The following IRS2 variants were observed in gnomAD, a reference collection of about 807,000 sequenced individuals.
IRS2 encodes insulin receptor substrate 2.
A neutral mutation model predicts 70.9 loss-of-function variants in IRS2; 28 were observed. That is an observed-to-expected ratio of 0.39 (90% CI 0.29 to 0.54). The LOEUF (loss-of-function observed/expected upper bound fraction) is 0.54. Ranked by LOEUF, IRS2 falls within the 20% of genes least tolerant of loss-of-function variation. The pLI, the probability that IRS2 is intolerant of heterozygous loss-of-function variation, is 0.59. For missense variants in IRS2, 2,081 were observed against 2,024.1 expected (o/e 1.03, Z -0.54); for synonymous variants, 1,217 against 981.9 (o/e 1.24, Z -4.48).
intron 1 of IRS2, among the ~76,000 whole-genome samples, chr13:109,763,416 A>C (rs889332862): frequency 1.3e-5 from 2 of 152,104 alleles, no homozygotes; most frequent in African/African-American, 4.8e-5. Flanking sequence ...AATTTCTCTT[A>C]GCTACCGCTA....
At chr13:109,758,549 G>GT (rs34195893) in intron 1 of IRS2, among the ~76,000 whole-genome samples, 2 of 151,802 alleles carry the variant, frequency 1.3e-5, no homozygotes, top group African/African-American at 4.9e-5. Flanking sequence ...CATTTTCATT[G>GT]TTTTTTTTAG....
chr13:109,773,516 C>T (rs928957198), intron 1 of IRS2, among the ~76,000 whole-genome samples: 2 of 152,174 alleles, frequency 1.3e-5, no homozygotes, highest in African/African-American at 2.4e-5. Flanking sequence ...TACACAGAGC[C>T]GCCTTCAATT....
At chr13:109,762,429 G>T (rs1877246718) in intron 1 of IRS2, among the ~76,000 whole-genome samples, 1 of 152,310 alleles carries the variant, frequency 6.6e-6, no homozygotes, top group African/African-American at 2.4e-5. Flanking sequence ...TGGAAGAACA[G>T]GGTCCTCAAC....
At chr13:109,763,659 A>G (rs1353882268) in intron 1 of IRS2, among the ~76,000 whole-genome samples, 1 of 152,270 alleles carries the variant, frequency 6.6e-6, no homozygotes, top group Non-Finnish European at 1.5e-5. Context: ...GTGCATTAAA[A>G]TCGCAAATAG....
intron 1 of IRS2, among the ~76,000 whole-genome samples, chr13:109,764,831 TG>T (rs748854511): frequency 4.6e-5 from 7 of 152,216 alleles, no homozygotes; most frequent in Non-Finnish European, 7.4e-5. Context: ...ACAAAAACAA[TG>T]GCAAATTGCT....
Position 109,784,355 on chromosome 13 carries a change from G to A in IRS2, c.1699C>T (p.Leu567=). The A allele has an allele frequency of 3.7e-6, 6 of 1,609,478 alleles. No homozygotes were observed. Among genetic ancestry groups the A allele is most frequent in the Non-Finnish European group, 5.1e-6 (6 of 1,179,418 alleles). Reference sequence around the variant, plus strand: ...GTCCTCTTGCGCAGCCCTCGGTCCAGGTCCTGGGCCGCGTCCCCCGAGACC... The same window carrying A: ...GTCCTCTTGCGCAGCCCTCGGTCCAAGTCCTGGGCCGCGTCCCCCGAGACC... The part of the protein sequence containing the change: ...RRVSGDAAQD[L]DRGLRKRTYS... The change falls in exon 1 of 2, where the codon CTG becomes TTG. Residue 567 remains leucine (L), a synonymous_variant. Transcript: ENST00000375856. This position sits in a 1 kb window ranked among gnomAD's most constrained non-coding sequence, Gnocchi z 5.2.
rs1877807365 is a variant in IRS2 at position 109,783,737 on chromosome 13, C to T, written c.2317G>A (p.Asp773Asn). The T allele has an allele frequency of 6.3e-7, 1 of 1,584,458 alleles. No homozygotes were observed. The highest frequency in any genetic ancestry group is 8.6e-7 in the Non-Finnish European group (1 of 1,165,468). ...NGDYLNVSPS[D>N]AVTTGTPPDF... ...GGCGGGGTGCCCGTGGTGACCGCGT[C>T]GCTGGGGGACACGTTGAGGTAGTCC... The change falls in exon 1 of 2, where the codon GAC (aspartate) becomes AAC (asparagine). Residue 773 changes from aspartate (D) to asparagine (N), a missense_variant. By Grantham distance (23) the Asp-to-Asn change is conservative. Around this residue, in one of 4 missense-constraint regions of IRS2, gnomAD observed 1,615 missense variants for 1,459.5 expected, o/e 1.11. Transcript: ENST00000375856.
intron 1 of IRS2, among the ~76,000 whole-genome samples, chr13:109,776,064 G>T (rs1175034984): frequency 1.3e-5 from 2 of 151,512 alleles, no homozygotes; most frequent in African/African-American, 2.4e-5. Flanking sequence ...CAGGAGAATC[G>T]CTTGAACCCG....
At chr13:109,765,490 A>G (rs1755724) in intron 1 of IRS2, among the ~76,000 whole-genome samples, 1,264 of 10,040 alleles carry the variant, frequency 0.13, 5 homozygotes, top group Middle Eastern at 0.3. Flanking sequence ...ATCCACCCTG[A>G]CTCCAACTCC....
rs1273920017 is a variant in IRS2 at position 109,784,747 on chromosome 13, G to A, written c.1307C>T (p.Ala436Val). Residue 436 changes from alanine to valine, a missense_variant, in exon 1 of 2, where the codon GCG becomes GTG. Transcript: ENST00000375856. The surrounding 1 kb of genome is among the most constrained non-coding windows in gnomAD (Gnocchi z 5.2). ...GCTGGTGGCGGCGGGCGGCGAGTGC[G>A]CCACGGGCATGGACATGGAGCGGCT... ...QHSRSMSMPV[A>V]HSPPAATSPG... 2 of 1,232,732 alleles carry A rather than the reference G, an allele frequency of 1.6e-6. No homozygotes were observed. The highest frequency in any genetic ancestry group is 2.0e-6 in the Non-Finnish European group (2 of 988,184). The allele number at this position is 1,232,732 out of a possible 1,614,324, so 76.4% of individuals were successfully genotyped here. A position where few individuals can be genotyped will look rare whatever the true frequency, so the allele number is the denominator to read the frequency against.
At chr13:109,780,749 A>G (rs1877677424) in intron 1 of IRS2, among the ~76,000 whole-genome samples, 4 of 152,190 alleles carry the variant, frequency 2.6e-5, no homozygotes, top group Admixed American at 2.6e-4. Context: ...CCAGCATCCA[A>G]ATTTTACTAT....
chr13:109,776,168 A>T (rs1379924170), intron 1 of IRS2, among the ~76,000 whole-genome samples: 1 of 151,900 alleles, frequency 6.6e-6, no homozygotes, highest in Non-Finnish European at 1.5e-5. Flanking sequence ...AAAAGAAAAA[A>T]ACCCAGCATT....
intron 1 of IRS2, among the ~76,000 whole-genome samples, chr13:109,757,897 G>A (rs1877142499): frequency 6.6e-6 from 1 of 151,476 alleles, no homozygotes; most frequent in Non-Finnish European, 1.5e-5. Context: ...GGCCAGGCTA[G>A]TCTTGAACTC....
chr13:109,770,538 A>G (rs1189156606), intron 1 of IRS2, among the ~76,000 whole-genome samples: 1 of 152,230 alleles, frequency 6.6e-6, no homozygotes, highest in Non-Finnish European at 1.5e-5. Context: ...GAGTGGTCCC[A>G]GCTGTGAATG....
chr13:109,755,695 C>A lies in IRS2; in HGVS notation c.*609G>T, dbSNP rs1467990159. On this transcript the variant is annotated 3_prime_UTR_variant, in exon 2 of 2. Coordinates refer to ENST00000375856, the MANE Select transcript of IRS2 (RefSeq NM_003749.3). ...CTGGGCTCGGTGTGGACGTAAACATCGCAGGTACCTGCACTGGAATCCAAC... is the reference window on the plus strand; with the variant it reads ...CTGGGCTCGGTGTGGACGTAAACATAGCAGGTACCTGCACTGGAATCCAAC... 9.8e-6 allele frequency: 2 copies of A among 203,790 alleles called. No individual in the cohort carries two copies. The highest frequency in any genetic ancestry group is 2.3e-5 in the African/African-American group (1 of 43,598). The allele number at this position is 203,790 out of a possible 1,614,324, so 12.6% of individuals were successfully genotyped here.
rs772952445 is a variant in IRS2, at chr13:109,783,568, G to A, written c.2486C>T (p.Pro829Leu). 27 of 1,549,286 alleles carry A rather than the reference G, an allele frequency of 1.7e-5. No individual in the cohort carries two copies. In the South Asian group the frequency reaches 2.5e-4, roughly 14 times the overall value. ...DSDQYVLMSS[P>L]VGRILEEERL... is the part of the protein sequence containing the mutation. ...CTCCTCCTCCAGGATGCGCCCCACG[G>A]GGGAGCTCATGAGCACGTACTGGTC... The change falls in exon 1 of 2, where the codon CCC (proline) becomes CTC (leucine). Residue 829 changes from proline (P) to leucine (L), a missense_variant. Pro to Leu is a moderately conservative substitution (Grantham distance 98). Transcript: ENST00000375856.
rs778019157 is a variant in IRS2 at position 109,785,391 on chromosome 13, C to G, written c.663G>C (p.Leu221=). ...TCACGAAGCCGATGGTGCGCGCAGACAGGCACAGACGGTACACCCCCGTCA... is the reference window on the plus strand; with the variant it reads ...TCACGAAGCCGATGGTGCGCGCAGAGAGGCACAGACGGTACACCCCCGTCA... ...KNLTGVYRLC[L]SARTIGFVKL... The change falls in exon 1 of 2, where the codon CTG becomes CTC. Residue 221 remains leucine, a synonymous_variant. Transcript: ENST00000375856. The surrounding 1 kb of genome is among the most constrained non-coding windows in gnomAD (Gnocchi z 9.3). 1.9e-6 allele frequency: 3 copies of G among 1,612,516 alleles called. No homozygotes were observed. The highest frequency in any genetic ancestry group is 2.2e-5 in the South Asian group (2 of 91,074).
rs929712198 is a variant in IRS2, at chr13:109,768,020, C to T, written c.4013-11712G>A. ...TGCTGGGATCACAGGCGTGAGCCAC[C>T]GTGCCTGGCCCAGTGTGACCATTTA... On this transcript the variant is annotated intron_variant, in intron 1 of 1. Transcript: ENST00000375856. 3.9e-5 allele frequency among the ~76,000 whole-genome samples: 6 copies of T among 152,276 alleles called. No individual in the cohort carries two copies. The South Asian group carries it at 6.2e-4, about 16-fold the overall frequency.
rs781763102 is a variant in IRS2, at chr13:109,784,286, G to T, written c.1768C>A (p.Pro590Thr). The change falls in exon 1 of 2, where the codon CCC becomes ACC. Residue 590 changes from proline to threonine, a missense_variant. Pro to Thr is a conservative substitution (Grantham distance 38). Around this residue, in one of 4 missense-constraint regions of IRS2, gnomAD observed 1,615 missense variants for 1,459.5 expected, o/e 1.11. Transcript: ENST00000375856. This position sits in a 1 kb window ranked among gnomAD's most constrained non-coding sequence, Gnocchi z 5.2. ...TATTCATCCAGCGAGGCAGAGGAGG[G>T]CTGGGGCACCGGCCGCTGCCGGGCT... ...TPARQRPVPQPSSASLDEYTL... is the reference protein window; with the variant it reads ...TPARQRPVPQTSSASLDEYTL... The T allele has an allele frequency of 1.8e-5, 28 of 1,597,748 alleles. 1 individual carries two copies. The South Asian group carries it at 2.9e-4, about 16-fold the overall frequency.
Sources: gnomAD v4.1 joint callset for allele counts (sites outside exome capture counted in the v4.1 genomes callset) on GRCh38, gnomAD v4.1.1 for gene constraint, gnomAD v4.1.1 regional missense constraint, Gnocchi (gnomAD v3.1) non-coding constraint, MANE v1.5 for transcripts, NCBI Gene and HGNC (gene_info 2026-07-23, HGNC 2026-07-21) for gene names.